The following AMN1 variants were observed in gnomAD, a reference collection of about 807,000 sequenced individuals.
The protein encoded by AMN1 is protein AMN1 homolog.
In AMN1, 20 loss-of-function variants were observed where a neutral mutation model predicts 33.0. That is an observed-to-expected ratio of 0.61 (90% CI 0.43 to 0.88). AMN1 has a LOEUF of 0.88. Among genes scored for constraint, AMN1 ranks in the 40% least tolerant of loss-of-function variants. The pLI, the probability that AMN1 is intolerant of heterozygous loss-of-function variation, is 0.00. For synonymous variants in AMN1, 114 were observed against 111.9 expected (o/e 1.02, Z -0.12); for missense variants, 246 against 307.4 (o/e 0.80, Z 1.49).
chr12:31,680,148 T>C (rs1937935514), intron 6 of AMN1, among the ~76,000 whole-genome samples: 1 of 151,488 alleles, frequency 6.6e-6, no homozygotes, highest in Non-Finnish European at 1.5e-5. Flanking sequence ...ATTTAGTAAG[T>C]TTAAAAATTA....
intron 1 of AMN1, among the ~76,000 whole-genome samples, chr12:31,716,075 A>T (rs1286150907): frequency 1.3e-5 from 2 of 152,014 alleles, no homozygotes; most frequent in African/African-American, 4.8e-5. Flanking sequence ...CACTTTAGAG[A>T]CTATTCTGTT....
intron 1 of AMN1, among the ~76,000 whole-genome samples, chr12:31,722,007 A>T (rs1192087261): frequency 6.6e-6 from 1 of 152,146 alleles, no homozygotes; most frequent in Non-Finnish European, 1.5e-5. Flanking sequence ...ATCTGACGCT[A>T]CCATTGCATG....
At chr12:31,684,939 G>A (rs532452896) in intron 6 of AMN1, among the ~76,000 whole-genome samples, 96 of 151,870 alleles carry the variant, frequency 6.3e-4, no homozygotes, top group African/African-American at 2.1e-3. Context: ...TGAAACATAC[G>A]GGGAATACAA....
intron 6 of AMN1, among the ~76,000 whole-genome samples, chr12:31,678,012 T>C (rs1478452374): frequency 3.9e-5 from 6 of 152,164 alleles, no homozygotes; most frequent in Non-Finnish European, 7.3e-5. Flanking sequence ...TGAACAGGCC[T>C]TGCTGGGTTT....
intron 1 of AMN1, among the ~76,000 whole-genome samples, chr12:31,720,274 C>T (rs190629007): frequency 3.2e-4 from 48 of 152,352 alleles, no homozygotes; most frequent in African/African-American, 1.1e-3. Context: ...GGTGTGGTGG[C>T]TCCCACCTGT....
intron 6 of AMN1, among the ~76,000 whole-genome samples, chr12:31,678,394 C>CTT (rs71062449): frequency 1.4e-5 from 2 of 146,382 alleles, no homozygotes. Context: ...GAAATACAAA[C>CTT]TTTTTTTTTT....
At chr12:31,704,894 G>A (rs1048860541) in intron 2 of AMN1, among the ~76,000 whole-genome samples, 3 of 152,154 alleles carry the variant, frequency 2.0e-5, no homozygotes, top group African/African-American at 7.2e-5. Flanking sequence ...AAGCTAAAGG[G>A]ATAGTAAGAA....
At chr12:31,700,924 C>G (rs4931546) in intron 3 of AMN1, among the ~76,000 whole-genome samples, 4 of 151,930 alleles carry the variant, frequency 2.6e-5, no homozygotes, top group African/African-American at 9.7e-5. Context: ...CTCCTGACCT[C>G]GTGATCCACC....
At chr12:31,721,166 G>A (rs1939865443) in intron 1 of AMN1, among the ~76,000 whole-genome samples, 1 of 152,208 alleles carries the variant, frequency 6.6e-6, no homozygotes, top group African/African-American at 2.4e-5. Context: ...GATTTGATTG[G>A]TGAGGATGAT....
chr12:31,711,032 C>A (rs1033677915), intron 1 of AMN1, among the ~76,000 whole-genome samples: 3 of 152,104 alleles, frequency 2.0e-5, no homozygotes, highest in Non-Finnish European at 4.4e-5. Context: ...GCCTCAGCCT[C>A]CCAAGTAGCT....
Position 31,687,956 on chromosome 12 carries a change from TTTTG to T in AMN1, c.703+1047_703+1050del, listed in dbSNP as rs1013310854. Among the ~76,000 whole-genome samples the T allele has an allele frequency of 2.6e-5, 4 of 152,182 alleles. No individual in the cohort carries two copies. The highest frequency in any genetic ancestry group is 2.1e-4 in the South Asian group (1 of 4,826). ...CCTAAGAGTCCAAATTTTTCTGACT[TTTTG>T]TTTGTTTGTTTGAGACGGAGTTTCG... is the stretch of plus-strand genomic sequence containing the variant. On this transcript the variant is annotated intron_variant, in intron 6 of 6. Coordinates refer to ENST00000281471, the MANE Select transcript of AMN1 (RefSeq NM_001113402.2). The surrounding 1 kb of genome is among the most constrained non-coding windows in gnomAD (Gnocchi z 4.1).
intron 1 of AMN1, among the ~76,000 whole-genome samples, chr12:31,727,407 C>T (rs1592182228): frequency 6.6e-6 from 1 of 152,340 alleles, no homozygotes; most frequent in East Asian, 1.9e-4. Flanking sequence ...AGGAAATGCT[C>T]TTACTTCATC....
At chr12:31,697,713 T>C (rs746278300) in intron 4 of AMN1, 27 bp downstream of exon 4, 1 of 1,586,956 alleles carries the variant, frequency 6.3e-7, no homozygotes, top group East Asian at 2.2e-5. Context: ...ACATAGTCTA[T>C]ATGTTTGTAG....
chr12:31,673,303 A>G (rs559624779), intron 6 of AMN1, among the ~76,000 whole-genome samples: 1 of 152,114 alleles, frequency 6.6e-6, no homozygotes, highest in South Asian at 2.1e-4. Context: ...ACAAAATTTT[A>G]TTTTAAGTTT....
At chr12:31,702,965 G>A (rs949347846) in intron 2 of AMN1, among the ~76,000 whole-genome samples, 6 of 152,172 alleles carry the variant, frequency 3.9e-5, no homozygotes, top group Admixed American at 6.5e-5. Context: ...TCAAACTCCC[G>A]GCTTCAGGTG....
intron 6 of AMN1, among the ~76,000 whole-genome samples, chr12:31,685,796 T>C (rs1464003800): frequency 7.0e-4 from 1 of 1,420 alleles, no homozygotes; most frequent in Non-Finnish European, 2.9e-3. Flanking sequence ...GCAAGACTCA[T>C]TATCAAAAAA....
intron 3 of AMN1, among the ~76,000 whole-genome samples, chr12:31,701,297 C>T (rs1352680893): frequency 6.6e-6 from 1 of 151,916 alleles, no homozygotes; most frequent in East Asian, 1.9e-4. Context: ...CCGCACCTGG[C>T]CCTATTTTTT....
chr12:31,706,889 T>C (rs1939264373), intron 2 of AMN1, among the ~76,000 whole-genome samples: 1 of 152,076 alleles, frequency 6.6e-6, no homozygotes. Flanking sequence ...AGCACCACTA[T>C]TTCAAAAGAA....
intron 3 of AMN1, among the ~76,000 whole-genome samples, chr12:31,700,000 G>C (rs1938919420): frequency 6.6e-6 from 1 of 152,066 alleles, no homozygotes. Context: ...TTTTTTGTGA[G>C]TTATTATTTA....
Sources: gnomAD v4.1 joint callset for allele counts (sites outside exome capture counted in the v4.1 genomes callset) on GRCh38, gnomAD v4.1.1 for gene constraint, Gnocchi (gnomAD v3.1) non-coding constraint, MANE v1.5 for transcripts, NCBI Gene and HGNC (gene_info 2026-07-23, HGNC 2026-07-21) for gene names.